The following AFF3 variants were observed in gnomAD, a reference collection of about 807,000 sequenced individuals.
The protein encoded by AFF3 is AF4/FMR2 family member 3.
AFF3 carries 32 observed loss-of-function variants against 129.7 expected under a neutral mutation model. That is an observed-to-expected ratio of 0.25 (90% CI 0.19 to 0.33). The LOEUF (loss-of-function observed/expected upper bound fraction) is 0.33. Among genes scored for constraint, AFF3 ranks in the 10% least tolerant of loss-of-function variants. The pLI, the probability that AFF3 is intolerant of heterozygous loss-of-function variation, is 1.00. For synonymous variants in AFF3, 644 were observed against 635.4 expected, an observed-to-expected ratio of 1.01 and a Z score of -0.20; for missense variants, 1,373 against 1,592.0, an observed-to-expected ratio of 0.86 and a Z score of 2.34.
In AFF3 at chr2:99,975,128, C is replaced by T. The variant is rs114092575; in HGVS notation, c.873+31504G>A. On this transcript the variant is annotated intron_variant, in intron 7 of 24. Transcript: ENST00000672756. The stretch of plus-strand genomic sequence containing the variant: ...TAATCATATTAACTTACTGTTAGGC[C>T]AAGGTCAACTTGATTTTGTGTTTCA... Among the ~76,000 whole-genome samples the T allele has an allele frequency of 5.6e-3, 850 of 152,270 alleles. 8 individuals are homozygous for T. The highest frequency in any genetic ancestry group is 0.02 in the African/African-American group (821 of 41,538).
Position 100,007,128 on chromosome 2 carries a change from C to T in AFF3, c.487+20G>A. On this transcript the variant is annotated intron_variant, in intron 6 of 24. Transcript: ENST00000672756. ...TTTTAGCAGATTTGTGCAAATCAAG[C>T]AACCTGTGCCTGTGCTTACTTGCTC... The T allele has an allele frequency of 6.2e-7, 1 of 1,607,254 alleles. No homozygotes were observed. The highest frequency in any genetic ancestry group is 8.5e-7 in the Non-Finnish European group (1 of 1,176,826).
intron 8 of AFF3, among the ~76,000 whole-genome samples, chr2:99,804,074 A>C (rs900896305): frequency 1.3e-5 from 2 of 152,144 alleles, no homozygotes; most frequent in African/African-American, 4.8e-5. Flanking sequence ...AAAACAAACA[A>C]ACAAAAAATA....
intron 13 of AFF3, among the ~76,000 whole-genome samples, chr2:99,625,701 A>C (rs916840985): frequency 6.6e-6 from 1 of 152,240 alleles, no homozygotes; most frequent in African/African-American, 2.4e-5. Context: ...CAGGTTGCCA[A>C]AGCTATTTAA....
chr2:100,022,165 G>GGAA (rs1683644444), intron 4 of AFF3, among the ~76,000 whole-genome samples: 1 of 152,098 alleles, frequency 6.6e-6, no homozygotes, highest in South Asian at 2.1e-4. Context: ...GAAAACCAAG[G>GGAA]GGTCTTCCTA....
intron 7 of AFF3, among the ~76,000 whole-genome samples, chr2:99,924,933 T>C (rs1696117349): frequency 6.6e-6 from 1 of 151,838 alleles, no homozygotes; most frequent in Non-Finnish European, 1.5e-5. Flanking sequence ...TGGAGTGACA[T>C]GGCTTGATCA....
At chr2:100,128,175 G>A (rs1484232513) in intron 2 of AFF3, among the ~76,000 whole-genome samples, 1 of 152,142 alleles carries the variant, frequency 6.6e-6, no homozygotes, top group Admixed American at 6.5e-5. Flanking sequence ...ATAAAAATGG[G>A]CAACCAGCAG....
At chr2:99,664,471 A>T (rs1469585387) in intron 12 of AFF3, among the ~76,000 whole-genome samples, 1 of 152,256 alleles carries the variant, frequency 6.6e-6, no homozygotes, top group African/African-American at 2.4e-5. Context: ...ATATAGCTTG[A>T]TGTAAGCATC....
chr2:100,041,251 T>C (rs1460639119), intron 4 of AFF3, among the ~76,000 whole-genome samples: 2 of 152,236 alleles, frequency 1.3e-5, no homozygotes, highest in African/African-American at 4.8e-5. Flanking sequence ...TTTCAACATA[T>C]ACCTTGGAAA....
At position 99,547,955 on chromosome 2, in the gene AFF3, T is replaced by G. The variant is rs1041784032; in HGVS notation, c.*3519A>C. On this transcript the variant is annotated 3_prime_UTR_variant, in exon 25 of 25. Transcript: ENST00000672756. Reference sequence around the variant, plus strand: ...TCAACTCTTCAGATTATTTTTCCAGTACATTCCTCATTAGATTGTGGGTTT... The same window carrying G: ...TCAACTCTTCAGATTATTTTTCCAGGACATTCCTCATTAGATTGTGGGTTT... 4.7e-6 allele frequency: 1 copy of G among 211,878 alleles called. No individual in the cohort carries two copies. Among genetic ancestry groups the G allele is most frequent in the Admixed American group, 5.9e-5 (1 of 16,980 alleles). The allele number at this position is 211,878 out of a possible 1,614,324, so 13.1% of individuals were successfully genotyped here. A position where few individuals can be genotyped will look rare whatever the true frequency, so the allele number is the denominator to read the frequency against.
rs369264338 is a variant in AFF3 at position 99,685,063 on chromosome 2, C to T, written c.1092-12474G>A. ...AAGTGACTCTCGTGCTTCAGCCTCC[C>T]AAGTAGCTGGGATTACAGGTGCCCG... On this transcript the variant is annotated intron_variant, in intron 11 of 24. Transcript: ENST00000672756. Among the ~76,000 whole-genome samples, 771 of 152,006 alleles carry T rather than the reference C, an allele frequency of 5.1e-3. 7 individuals are homozygous for T. The highest frequency in any genetic ancestry group is 0.017 in the African/African-American group (707 of 41,450).
chr2:99,919,208 G>T (rs563780587), intron 7 of AFF3, among the ~76,000 whole-genome samples: 35 of 152,136 alleles, frequency 2.3e-4, no homozygotes, highest in Middle Eastern at 3.2e-3. Flanking sequence ...GATGATCCAT[G>T]AGCATAAAAC....
intron 8 of AFF3, among the ~76,000 whole-genome samples, chr2:99,765,667 T>C (rs1389661970): frequency 2.0e-5 from 3 of 152,232 alleles, no homozygotes; most frequent in African/African-American, 4.8e-5. Context: ...TATTGCTGTA[T>C]TGCTACCTTT....
intron 13 of AFF3, among the ~76,000 whole-genome samples, chr2:99,620,844 C>G (rs939317225): frequency 6.6e-6 from 1 of 152,088 alleles, no homozygotes; most frequent in Non-Finnish European, 1.5e-5. Context: ...TTTATAGGAG[C>G]CTGGTACCTC....
At chr2:99,677,581 C>T (rs1048781405) in intron 11 of AFF3, among the ~76,000 whole-genome samples, 8 of 152,166 alleles carry the variant, frequency 5.3e-5, no homozygotes, top group African/African-American at 1.9e-4. Context: ...GGTTATGAGC[C>T]CCCAGCTGCA....
At chr2:100,111,707 TCAG>T (rs1255303969) in intron 2 of AFF3, among the ~76,000 whole-genome samples, 1 of 152,246 alleles carries the variant, frequency 6.6e-6, no homozygotes, top group Non-Finnish European at 1.5e-5. Context: ...CTGATTTACT[TCAG>T]AAGAAGTTTA....
At chr2:99,650,510 G>C (rs1052022164) in intron 12 of AFF3, among the ~76,000 whole-genome samples, 1 of 152,140 alleles carries the variant, frequency 6.6e-6, no homozygotes, top group Non-Finnish European at 1.5e-5. Flanking sequence ...AGTGAGCCAA[G>C]ATCATGCCAC....
Position 99,578,344 on chromosome 2 carries a change from T to C in AFF3, c.2901A>G (p.Lys967=). Residue 967 remains lysine, a synonymous_variant, in exon 18 of 25, where the codon AAA becomes AAG. Coordinates refer to ENST00000672756, the MANE Select transcript of AFF3 (RefSeq NM_001386135.1). The stretch of plus-strand genomic sequence containing the variant: ...GAACTTACATATCATCGAAGACAAG[T>C]TTCTGCCTCTTGCAGTCCCTGTGGC... ...SNGHRDCKRQ[K]LVFDDMPRSA... 1 of 1,602,392 alleles carries C rather than the reference T, an allele frequency of 6.2e-7. No homozygotes were observed. The highest frequency in any genetic ancestry group is 8.5e-7 in the Non-Finnish European group (1 of 1,176,088).
chr2:99,881,090 G>T (rs1479593042), intron 7 of AFF3, among the ~76,000 whole-genome samples: 2 of 152,130 alleles, frequency 1.3e-5, no homozygotes, highest in Non-Finnish European at 2.9e-5. Context: ...CGGCTATTTA[G>T]AATTCTTTAT....
At chr2:100,118,990 G>C (rs927163035) in intron 2 of AFF3, among the ~76,000 whole-genome samples, 1 of 151,896 alleles carries the variant, frequency 6.6e-6, no homozygotes, top group Admixed American at 6.6e-5. Flanking sequence ...TAGCAGAGAC[G>C]GGGTTTCACC....
Sources: gnomAD v4.1 joint callset for allele counts (sites outside exome capture counted in the v4.1 genomes callset) on GRCh38, gnomAD v4.1.1 for gene constraint, MANE v1.5 for transcripts, NCBI Gene and HGNC (gene_info 2026-07-23, HGNC 2026-07-21) for gene names.